The following GTPBP10 variants were observed in gnomAD, a reference collection of about 807,000 sequenced individuals.
GTPBP10 encodes the protein GTP-binding protein 10.
Under a neutral mutation model 44.8 loss-of-function variants are expected in GTPBP10, and 38 were observed. The observed-to-expected ratio is 0.85, with a 90% CI of 0.65 to 1.11. GTPBP10 has a LOEUF of 1.11. GTPBP10 is among the 50% of genes most tolerant of loss of function. The pLI, the probability that GTPBP10 is intolerant of heterozygous loss-of-function variation, is 0.00. For synonymous variants in GTPBP10, 152 were observed against 150.6 expected, an observed-to-expected ratio of 1.01 and a Z score of -0.07; for missense variants, 462 against 453.7, an observed-to-expected ratio of 1.02 and a Z score of -0.17.
chr7:90,365,832 T>G (rs942881508), intron 4 of GTPBP10, among the ~76,000 whole-genome samples: 4 of 152,234 alleles, frequency 2.6e-5, no homozygotes, highest in African/African-American at 9.6e-5. Context: ...AGGGCATCCC[T>G]GTCTTGTGCC....
At chr7:90,368,093 A>T (rs1796173350) in intron 4 of GTPBP10, among the ~76,000 whole-genome samples, 1 of 152,084 alleles carries the variant, frequency 6.6e-6, no homozygotes, top group South Asian at 2.1e-4. Flanking sequence ...TTCTTTAGGA[A>T]TGTTGAATAT....
chr7:90,352,973 G>A lies in GTPBP10; in HGVS notation c.191G>A (p.Arg64Gln), dbSNP rs776045994. 20 of 1,611,360 alleles carry A rather than the reference G, an allele frequency of 1.2e-5. No individual in the cohort carries two copies. Among genetic ancestry groups the A allele is most frequent in the East Asian group, 6.7e-5 (3 of 44,856 alleles). Residue 64 changes from arginine to glutamine, a missense_variant, in exon 2 of 10, where the codon CGG (arginine) becomes CAG (glutamine). Physicochemically the swap from Arg to Gln is conservative, Grantham distance 43. Coordinates refer to ENST00000222511, the MANE Select transcript of GTPBP10 (RefSeq NM_033107.4). ...AAACAACTTAAAGACAGGTATCCTC[G>A]GAAACGGTTTGTGGCTGGAGTAGGA... ...TLKQLKDRYP[R>Q]KRFVAGVGAN...
rs770095518 is a variant in GTPBP10 at position 90,378,211 on chromosome 7, A to G, written c.777A>G (p.Lys259=). 1 of 1,611,288 alleles carries G rather than the reference A, an allele frequency of 6.2e-7. No individual in the cohort carries two copies. The highest frequency in any genetic ancestry group is 8.5e-7 in the Non-Finnish European group (1 of 1,178,284). Residue 259 remains lysine (K), a splice_region_variant and synonymous_variant, in exon 8 of 10, where the codon AAA becomes AAG. Transcript: ENST00000222511. ...TAFETIILLT[K]ELELYKEELQ... is the part of the protein sequence containing the mutation. ...TTGAAACCATAATACTGCTTACAAAAGTAGGTTTTCTGTTTTACTGTGTTC... is the reference window on the plus strand; with the variant it reads ...TTGAAACCATAATACTGCTTACAAAGGTAGGTTTTCTGTTTTACTGTGTTC...
intron 1 of GTPBP10, among the ~76,000 whole-genome samples, chr7:90,350,426 G>T (rs771047677): frequency 6.6e-6 from 1 of 152,044 alleles, no homozygotes; most frequent in South Asian, 2.1e-4. Context: ...CCAGTAATGG[G>T]ATGGCTGGGT....
intron 5 of GTPBP10, among the ~76,000 whole-genome samples, chr7:90,372,762 A>G (rs1796282677): frequency 6.6e-6 from 1 of 152,060 alleles, no homozygotes; most frequent in Admixed American, 6.6e-5. Flanking sequence ...ACCTTTTATC[A>G]GGCACTGTGA....
chr7:90,361,040 CGAT>C (rs1241931215), intron 4 of GTPBP10, among the ~76,000 whole-genome samples: 2 of 152,128 alleles, frequency 1.3e-5, no homozygotes, highest in East Asian at 1.9e-4. Context: ...TGGGCTGAGA[CGAT>C]GGTGTTTTCT....
chr7:90,385,146 A>G lies in GTPBP10; in HGVS notation c.1156A>G (p.Ile386Val), dbSNP rs1796502259. 6.3e-7 allele frequency: 1 copy of G among 1,588,570 alleles called. No individual in the cohort carries two copies. Among genetic ancestry groups the G allele is most frequent in the Admixed American group, 1.7e-5 (1 of 57,212 alleles). The change falls in exon 10 of 10, where the codon ATA becomes GTA. Residue 386 changes from isoleucine (I) to valine (V), a missense_variant. Physicochemically the swap from Ile to Val is conservative, Grantham distance 29. Transcript: ENST00000222511. ...KHAVTTSKMDII is the reference protein window; with the variant it reads ...KHAVTTSKMDVI ...TGCTGTTACTACTTCCAAAATGGAT[A>G]TAATTTAAATATATTAAAAATGGTA... is the stretch of plus-strand genomic sequence containing the variant.
At chr7:90,358,829 G>T (rs17863988) in intron 4 of GTPBP10, among the ~76,000 whole-genome samples, 36,717 of 152,040 alleles carry the variant, frequency 0.24, 4,767 homozygotes, top group African/African-American at 0.34. Context: ...CAGAATGGGA[G>T]AAAGTATTTG....
intron 5 of GTPBP10, among the ~76,000 whole-genome samples, chr7:90,372,851 A>G (rs561253128): frequency 3.2e-4 from 48 of 152,282 alleles, no homozygotes; most frequent in Non-Finnish European, 1.3e-4. Context: ...GATTACAAAG[A>G]CTGATAAACA....
intron 4 of GTPBP10, among the ~76,000 whole-genome samples, chr7:90,366,078 G>A (rs1796128696): frequency 6.6e-6 from 1 of 152,174 alleles, no homozygotes; most frequent in South Asian, 2.1e-4. Context: ...ATTGATTTGT[G>A]TACATTGAAC....
Position 90,390,760 on chromosome 7 carries a change from G to C in GTPBP10, c.*5606G>C, listed in dbSNP as rs916822790. 2.0e-5 allele frequency: 3 copies of C among 152,082 alleles called. No homozygotes were observed. Among genetic ancestry groups the C allele is most frequent in the Non-Finnish European group, 1.5e-5 (1 of 68,018 alleles). 9.4% of individuals were successfully genotyped at this position (152,082 alleles called of 1,614,324 possible). ...TTTTCTGAAACTGCCAATATTTTCTGATCGGTACTTTCATTTTTCTAGTTG... is the reference window on the plus strand; with the variant it reads ...TTTTCTGAAACTGCCAATATTTTCTCATCGGTACTTTCATTTTTCTAGTTG... On this transcript the variant is annotated 3_prime_UTR_variant, in exon 10 of 10. Coordinates refer to ENST00000222511, the MANE Select transcript of GTPBP10 (RefSeq NM_033107.4).
intron 2 of GTPBP10, among the ~76,000 whole-genome samples, chr7:90,354,004 TTTC>T (rs1385314659): frequency 6.6e-6 from 1 of 152,016 alleles, no homozygotes; most frequent in African/African-American, 2.4e-5. Flanking sequence ...TTTTTAAATT[TTTC>T]TTTTTTTGTA....
At chr7:90,374,379 T>G (rs1396320001) in intron 6 of GTPBP10, 25 bp downstream of exon 6, 1 of 1,465,336 alleles carries the variant, frequency 6.8e-7, no homozygotes, top group Admixed American at 1.7e-5. Context: ...AGTAAAACAC[T>G]ATATTAGAAG....
In GTPBP10 at chr7:90,353,807, CTT is replaced by C. The variant is rs59038520; in HGVS notation, c.228-641_228-640del. On this transcript the variant is annotated intron_variant, in intron 2 of 9. Transcript: ENST00000222511. ...AAAGCTTTGCTATTTGGTGGATTTT[CTT>C]TTTTTTTTTATAGATTCATTTTTTC... 8.9e-5 allele frequency among the ~76,000 whole-genome samples: 13 copies of C among 146,688 alleles called. No individual in the cohort carries two copies. In the East Asian group the frequency reaches 1.2e-3, roughly 14 times the overall value.
chr7:90,381,170 T>C (rs1796429652), intron 8 of GTPBP10, among the ~76,000 whole-genome samples: 2 of 152,204 alleles, frequency 1.3e-5, no homozygotes, highest in South Asian at 4.1e-4. Flanking sequence ...TGCCGGATCA[T>C]ATGGTAGTTC....
chr7:90,364,971 A>G (rs1025660357), intron 4 of GTPBP10, among the ~76,000 whole-genome samples: 5 of 152,200 alleles, frequency 3.3e-5, no homozygotes, highest in African/African-American at 1.2e-4. Flanking sequence ...TGCTAAGGCC[A>G]TTGGAAAAGT....
intron 4 of GTPBP10, among the ~76,000 whole-genome samples, chr7:90,367,975 G>C (rs1342854877): frequency 6.6e-6 from 1 of 152,130 alleles, no homozygotes; most frequent in East Asian, 1.9e-4. Flanking sequence ...AGGCAGGCCT[G>C]GTGTTGACAA....
At chr7:90,372,928 A>G (rs1796285655) in intron 5 of GTPBP10, among the ~76,000 whole-genome samples, 1 of 152,214 alleles carries the variant, frequency 6.6e-6, no homozygotes, top group African/African-American at 2.4e-5. Context: ...CATATCACTA[A>G]TAAATATAAG....
chr7:90,349,984 C>G (rs543955223), intron 1 of GTPBP10, among the ~76,000 whole-genome samples: 2 of 151,860 alleles, frequency 1.3e-5, no homozygotes, highest in East Asian at 3.9e-4. Context: ...AGGTTTGTTA[C>G]ATAGGTATAC....
Sources: gnomAD v4.1 joint callset for allele counts (sites outside exome capture counted in the v4.1 genomes callset) on GRCh38, gnomAD v4.1.1 for gene constraint, MANE v1.5 for transcripts, NCBI Gene and HGNC (gene_info 2026-07-23, HGNC 2026-07-21) for gene names.